The following NSUN7 variants were observed in gnomAD, a reference collection of about 807,000 sequenced individuals.
NSUN7 encodes protein NSUN7.
Under a neutral mutation model 58.5 loss-of-function variants are expected in NSUN7, and 39 were observed. The observed-to-expected ratio is 0.67, with a 90% CI of 0.52 to 0.87. NSUN7 has a LOEUF of 0.87. Ranked by LOEUF, NSUN7 falls within the 40% of genes least tolerant of loss-of-function variation. NSUN7 has a pLI of 0.00. For missense variants in NSUN7, 765 were observed against 844.1 expected (o/e 0.91, Z 1.16); for synonymous variants, 278 against 303.7 (o/e 0.92, Z 0.88).
intron 10 of NSUN7, among the ~76,000 whole-genome samples, chr4:40,806,520 A>C (rs1160565767): frequency 6.6e-6 from 1 of 152,148 alleles, no homozygotes; most frequent in Non-Finnish European, 1.5e-5. Context: ...TTCTGACACA[A>C]AGTCTTTGTT....
At chr4:40,781,730 G>C (rs952702707) in intron 7 of NSUN7, among the ~76,000 whole-genome samples, 6 of 152,172 alleles carry the variant, frequency 3.9e-5, no homozygotes, top group African/African-American at 1.4e-4. Flanking sequence ...ACAGGCATAA[G>C]CCACTGTGCC....
intron 2 of NSUN7, among the ~76,000 whole-genome samples, chr4:40,759,216 CAGG>C (rs928116528): frequency 6.6e-6 from 1 of 152,208 alleles, no homozygotes; most frequent in East Asian, 1.9e-4. Context: ...TAGGCTGAGA[CAGG>C]AGAATCATTT....
Position 40,761,056 on chromosome 4 carries a change from A to G in NSUN7, c.358-115A>G, listed in dbSNP as rs1324070497. ...CTTCCCAATCCAATCAGACTATGTA[A>G]AAATAGTCGTATTCCTGCTCTGTTA... On this transcript the variant is annotated intron_variant, in intron 3 of 11. Coordinates refer to ENST00000381782, the MANE Select transcript of NSUN7 (RefSeq NM_024677.6). 4 of 810,138 alleles carry G rather than the reference A, an allele frequency of 4.9e-6. No homozygotes were observed. The East Asian group carries it at 1.2e-4, about 23-fold the overall frequency. The allele number at this position is 810,138 out of a possible 1,614,324, so 50.2% of individuals were successfully genotyped here. A position where few individuals can be genotyped will look rare whatever the true frequency, so the allele number is the denominator to read the frequency against.
intron 9 of NSUN7, among the ~76,000 whole-genome samples, chr4:40,797,732 C>T (rs182184692): frequency 6.6e-6 from 1 of 152,346 alleles, no homozygotes; most frequent in Admixed American, 6.5e-5. Context: ...CCTCTGCACT[C>T]TATTCTTAAC....
intron 4 of NSUN7, among the ~76,000 whole-genome samples, chr4:40,767,605 G>A (rs929171138): frequency 6.6e-6 from 1 of 152,108 alleles, no homozygotes; most frequent in African/African-American, 2.4e-5. Context: ...AGGTCCGCTT[G>A]GTGCAGAGCT....
chr4:40,762,263 A>G (rs555046932), intron 4 of NSUN7, among the ~76,000 whole-genome samples: 1 of 152,350 alleles, frequency 6.6e-6, no homozygotes, highest in Non-Finnish European at 1.5e-5. Flanking sequence ...ATGAACTAAG[A>G]TACTGTTGAT....
At chr4:40,759,101 G>A (rs2154286637) in intron 2 of NSUN7, among the ~76,000 whole-genome samples, 1 of 152,218 alleles carries the variant, frequency 6.6e-6, no homozygotes, top group Non-Finnish European at 1.5e-5. Flanking sequence ...CCTGAGGTCA[G>A]GAGTTCGAGA....
In NSUN7 at chr4:40,808,471, A is replaced by G; in HGVS notation, c.1689A>G (p.Gln563=). The G allele has an allele frequency of 6.3e-7, 1 of 1,581,990 alleles. No individual in the cohort carries two copies. The highest frequency in any genetic ancestry group is 8.6e-7 in the Non-Finnish European group (1 of 1,161,170). The change falls in exon 12 of 12, where the codon CAA becomes CAG. Residue 563 remains glutamine (Q), a synonymous_variant. Transcript: ENST00000381782. ...TKGATTDNGI[Q]MKIAEFLNRE... is the part of the protein sequence containing the mutation. ...GTGCCACTACTGATAATGGCATCCAAATGAAAATTGCTGAGTTCCTGAATC... is the reference window on the plus strand; with the variant it reads ...GTGCCACTACTGATAATGGCATCCAGATGAAAATTGCTGAGTTCCTGAATC...
chr4:40,753,683 T>TTA (rs1165626141), intron 2 of NSUN7, among the ~76,000 whole-genome samples: 1 of 152,234 alleles, frequency 6.6e-6, no homozygotes, highest in Non-Finnish European at 1.5e-5. Flanking sequence ...ATATTTTTTC[T>TTA]TATAATAATA....
intron 4 of NSUN7, among the ~76,000 whole-genome samples, chr4:40,773,830 T>A (rs1404355573): frequency 1.3e-5 from 2 of 152,188 alleles, no homozygotes; most frequent in Non-Finnish European, 2.9e-5. Flanking sequence ...AGACAGAGTT[T>A]TGCTCTTGTT....
chr4:40,766,507 CA>C (rs1741735281), intron 4 of NSUN7, among the ~76,000 whole-genome samples: 1 of 152,190 alleles, frequency 6.6e-6, no homozygotes, highest in Admixed American at 6.5e-5. Flanking sequence ...AGGATTTTCG[CA>C]TCAATGTTCA....
intron 2 of NSUN7, among the ~76,000 whole-genome samples, 177 bp from the exon 3 acceptor site, chr4:40,760,257 A>G (rs1051013508): frequency 9.9e-5 from 15 of 152,236 alleles, no homozygotes; most frequent in Non-Finnish European, 1.5e-4. Flanking sequence ...TCCAGCATTC[A>G]TAAAGATTAT....
intron 4 of NSUN7, 77 bp downstream of exon 4, chr4:40,761,378 A>G (rs532677374): frequency 8.5e-7 from 1 of 1,171,518 alleles, no homozygotes; most frequent in South Asian, 1.4e-5. Context: ...CATACAGTAT[A>G]ATGTGTAGAT....
chr4:40,781,280 G>A lies in NSUN7; in HGVS notation c.1036+5021G>A, dbSNP rs571027439. Among the ~76,000 whole-genome samples the A allele has an allele frequency of 3.9e-5, 6 of 152,130 alleles. No individual in the cohort carries two copies. In the South Asian group the frequency reaches 1.0e-3, roughly 26 times the overall value. On this transcript the variant is annotated intron_variant, in intron 7 of 11. Transcript: ENST00000381782. ...GGCCAGACTGGTCTCGAACTCCTGA[G>A]CTCAAAGTGATCCACCTGCCTTGGT...
At chr4:40,801,264 A>G (rs1743567726) in intron 10 of NSUN7, among the ~76,000 whole-genome samples, 1 of 152,096 alleles carries the variant, frequency 6.6e-6, no homozygotes, top group African/African-American at 2.4e-5. Flanking sequence ...TAAGTGGGAG[A>G]AGGGTATTGT....
intron 9 of NSUN7, among the ~76,000 whole-genome samples, chr4:40,796,603 C>G (rs1398240695): frequency 1.3e-5 from 2 of 152,074 alleles, no homozygotes; most frequent in African/African-American, 4.8e-5. Context: ...GCACTCCAGC[C>G]TAGGCAACAG....
chr4:40,801,562 A>T (rs985696624), intron 10 of NSUN7, among the ~76,000 whole-genome samples: 28 of 152,092 alleles, frequency 1.8e-4, no homozygotes, highest in African/African-American at 6.5e-4. Context: ...TATTTTTCAG[A>T]TTGTTTATCT....
chr4:40,752,129 A>G (rs1740866375), intron 2 of NSUN7, among the ~76,000 whole-genome samples: 1 of 152,246 alleles, frequency 6.6e-6, no homozygotes, highest in Non-Finnish European at 1.5e-5. Flanking sequence ...AGTTCCAAAA[A>G]GAAGTTCCAG....
chr4:40,790,864 AT>A (rs1743047434), intron 8 of NSUN7, 119 bp downstream of exon 8: 4 of 752,996 alleles, frequency 5.3e-6, no homozygotes, highest in Non-Finnish European at 6.2e-6. Flanking sequence ...GCAACCACAT[AT>A]AAAGTACTTA....
Sources: gnomAD v4.1 joint callset for allele counts (sites outside exome capture counted in the v4.1 genomes callset) on GRCh38, gnomAD v4.1.1 for gene constraint, MANE v1.5 for transcripts, NCBI Gene and HGNC (gene_info 2026-07-23, HGNC 2026-07-21) for gene names.